PRKCE: variants seen among roughly 807,000 people sequenced by gnomAD.
PRKCE encodes protein kinase C epsilon type.
In PRKCE, 16 loss-of-function variants were observed where a neutral mutation model predicts 85.4. That is an observed-to-expected ratio of 0.19 (90% CI 0.13 to 0.28). The LOEUF (loss-of-function observed/expected upper bound fraction) is 0.28. Ranked by LOEUF, PRKCE falls within the 10% of genes least tolerant of loss-of-function variation. The probability of loss-of-function intolerance (pLI) is 1.00; values close to 1 mark genes in which losing one functional copy is unlikely to be tolerated. For synonymous variants in PRKCE, 388 were observed against 371.5 expected (o/e 1.04, Z -0.51); for missense variants, 573 against 975.2 (o/e 0.59, Z 5.49).
Position 46,159,941 on chromosome 2 carries a change from T to C in PRKCE, c.2067+189T>C. On this transcript the variant is annotated intron_variant, in intron 14 of 14. Transcript: ENST00000306156. The surrounding 1 kb of genome is among the most constrained non-coding windows in gnomAD (Gnocchi z 4.1). ...CCAAGTGTTTACTATTGAAAACATG[T>C]AACCTACTACAGCAGCACCCAAGAT... is the stretch of plus-strand genomic sequence containing the variant. The C allele has an allele frequency of 1.6e-6, 1 of 617,094 alleles. No homozygotes were observed. Among genetic ancestry groups the C allele is most frequent in the South Asian group, 2.4e-5 (1 of 41,102 alleles). 38.2% of individuals were successfully genotyped at this position (617,094 alleles called of 1,614,324 possible).
intron 2 of PRKCE, among the ~76,000 whole-genome samples, chr2:45,941,417 C>G (rs1347483912): frequency 6.6e-6 from 1 of 152,144 alleles, no homozygotes; most frequent in Non-Finnish European, 1.5e-5. Context: ...GACGTGGCCT[C>G]CAGCCTTAAG....
intron 11 of PRKCE, among the ~76,000 whole-genome samples, chr2:46,105,912 T>C (rs1044559905): frequency 6.6e-6 from 1 of 152,254 alleles, no homozygotes; most frequent in Non-Finnish European, 1.5e-5. Flanking sequence ...GCACCAGGTA[T>C]GGTTGGTGTT....
intron 6 of PRKCE, among the ~76,000 whole-genome samples, chr2:45,987,997 G>C (rs1214794706): frequency 6.6e-6 from 1 of 152,230 alleles, no homozygotes; most frequent in African/African-American, 2.4e-5. Context: ...TGACCTGCAA[G>C]CATCCCCGAG....
chr2:45,700,926 AGAAGCTGGCG>A (rs1678588341), intron 1 of PRKCE, among the ~76,000 whole-genome samples: 2 of 152,342 alleles, frequency 1.3e-5, no homozygotes, highest in Admixed American at 1.3e-4. Flanking sequence ...TGGGGCTCCC[AGAAGCTGGCG>A]GAAGCAAGGA....
At chr2:46,028,520 A>G (rs549128551) in intron 10 of PRKCE, among the ~76,000 whole-genome samples, 120 of 152,322 alleles carry the variant, frequency 7.9e-4, no homozygotes, top group African/African-American at 2.8e-3. Flanking sequence ...GGCATATTCT[A>G]TAGGGGACAT....
At chr2:45,925,867 A>G (rs1698578310) in intron 2 of PRKCE, among the ~76,000 whole-genome samples, 3 of 152,230 alleles carry the variant, frequency 2.0e-5, no homozygotes, top group Admixed American at 2.0e-4. Flanking sequence ...CTAGGACTCA[A>G]AGGTTTTGCA....
chr2:46,022,484 C>A (rs1706750991), intron 10 of PRKCE, among the ~76,000 whole-genome samples: 1 of 152,098 alleles, frequency 6.6e-6, no homozygotes, highest in South Asian at 2.1e-4. Context: ...TCACATGGGG[C>A]CTTTCGTAGG....
intron 11 of PRKCE, among the ~76,000 whole-genome samples, chr2:46,115,840 A>AC (rs1672714762): frequency 6.6e-6 from 1 of 152,044 alleles, no homozygotes; most frequent in African/African-American, 2.4e-5. Context: ...AGAGAGAGTG[A>AC]CCCCACCCTT....
chr2:46,018,555 T>C (rs1446152802), intron 10 of PRKCE, among the ~76,000 whole-genome samples: 2 of 152,240 alleles, frequency 1.3e-5, no homozygotes, highest in African/African-American at 4.8e-5. Flanking sequence ...CAGAAACTGT[T>C]GGCCTGATCT....
intron 2 of PRKCE, among the ~76,000 whole-genome samples, chr2:45,934,291 GA>G (rs898459172): frequency 3.9e-5 from 6 of 152,016 alleles, no homozygotes; most frequent in Admixed American, 2.6e-4. Context: ...AGATGAGTGT[GA>G]AAAAAAGTTT....
In PRKCE at chr2:45,661,137, C is replaced by T. The variant is rs531794607; in HGVS notation, c.348+8689C>T. Among the ~76,000 whole-genome samples the T allele has an allele frequency of 4.6e-4, 70 of 152,308 alleles. 2 individuals are homozygous for T. In the South Asian group the frequency reaches 0.014, roughly 30 times the overall value. ...AGCAAGGAGTAGACTCACTGAGCTC[C>T]TGACCCCAAGAGATAGATAAGACTA... On this transcript the variant is annotated intron_variant, in intron 1 of 14. Coordinates refer to ENST00000306156, the MANE Select transcript of PRKCE (RefSeq NM_005400.3).
intron 2 of PRKCE, among the ~76,000 whole-genome samples, chr2:45,940,245 A>T (rs920226785): frequency 6.6e-6 from 1 of 152,130 alleles, no homozygotes; most frequent in Non-Finnish European, 1.5e-5. Context: ...GAGAGGCCAG[A>T]TTAGGGGTAG....
chr2:45,919,243 A>G (rs1054440157), intron 2 of PRKCE, among the ~76,000 whole-genome samples: 4 of 152,228 alleles, frequency 2.6e-5, no homozygotes, highest in Non-Finnish European at 4.4e-5. Context: ...GTCAAGGGAA[A>G]GAACACAGCC....
At chr2:46,090,159 C>T (rs1371001299) in intron 11 of PRKCE, among the ~76,000 whole-genome samples, 1 of 152,154 alleles carries the variant, frequency 6.6e-6, no homozygotes, top group Admixed American at 6.5e-5. Flanking sequence ...CCATAATAAT[C>T]ATAAACACAG....
intron 10 of PRKCE, among the ~76,000 whole-genome samples, chr2:46,016,868 C>T (rs1477011984): frequency 6.7e-6 from 1 of 150,090 alleles, no homozygotes; most frequent in African/African-American, 2.5e-5. Flanking sequence ...GAGATCGTCC[C>T]ACTGCACTCC....
chr2:45,784,427 G>T (rs1046385866), intron 1 of PRKCE, among the ~76,000 whole-genome samples: 1 of 152,222 alleles, frequency 6.6e-6, no homozygotes, highest in African/African-American at 2.4e-5. Context: ...AAGATAATCA[G>T]ATTAATTGGG....
intron 2 of PRKCE, among the ~76,000 whole-genome samples, chr2:45,882,904 G>T (rs66497228): frequency 0.3 from 45,831 of 152,204 alleles, 7,817 homozygotes; most frequent in East Asian, 0.55. Context: ...GGACTTGGAA[G>T]CTAATAAAGC....
At chr2:45,882,275 G>A (rs149383068) in intron 2 of PRKCE, among the ~76,000 whole-genome samples, 82 of 152,260 alleles carry the variant, frequency 5.4e-4, no homozygotes, top group Middle Eastern at 3.4e-3. Flanking sequence ...TTTCATGTCA[G>A]TTGTCTTTTG....
chr2:46,001,652 A>C lies in PRKCE; in HGVS notation c.966+106A>C. The C allele has an allele frequency of 7.4e-7, 1 of 1,348,158 alleles. No individual in the cohort carries two copies. The highest frequency in any genetic ancestry group is 9.8e-7 in the Non-Finnish European group (1 of 1,024,336). 83.5% of individuals were successfully genotyped at this position (1,348,158 alleles called of 1,614,324 possible). Reference sequence around the variant, plus strand: ...TGAGGTAATAAGATTCCTGGGTTTGAGGTATTTTACTCAGAACTGCAGTAC... The same window carrying C: ...TGAGGTAATAAGATTCCTGGGTTTGCGGTATTTTACTCAGAACTGCAGTAC... On this transcript the variant is annotated intron_variant, in intron 7 of 14. Transcript: ENST00000306156. This position sits in a 1 kb window ranked among gnomAD's most constrained non-coding sequence, Gnocchi z 4.4.
Sources: gnomAD v4.1 joint callset for allele counts (sites outside exome capture counted in the v4.1 genomes callset) on GRCh38, gnomAD v4.1.1 for gene constraint, Gnocchi (gnomAD v3.1) non-coding constraint, MANE v1.5 for transcripts, NCBI Gene and HGNC (gene_info 2026-07-23, HGNC 2026-07-21) for gene names.